The following GIPC2 variants were observed in gnomAD, a reference collection of about 807,000 sequenced individuals.
The protein encoded by GIPC2 is PDZ domain-containing protein GIPC2.
In GIPC2, 30 loss-of-function variants were observed where a neutral mutation model predicts 30.6. The observed-to-expected ratio is 0.98, with a 90% CI of 0.73 to 1.33. GIPC2 has a LOEUF of 1.33. Among genes scored for constraint, GIPC2 ranks in the 40% most tolerant of loss-of-function variants. The pLI is 0.00. For synonymous variants in GIPC2, 167 were observed against 150.0 expected (o/e 1.11, Z -0.83); for missense variants, 414 against 390.3 (o/e 1.06, Z -0.51).
At chr1:78,085,082 G>C (rs759769586) in intron 2 of GIPC2, among the ~76,000 whole-genome samples, 1 of 152,110 alleles carries the variant, frequency 6.6e-6, no homozygotes, top group Non-Finnish European at 1.5e-5. Context: ...GTTTGTCATA[G>C]ATTGGTCTTA....
intron 2 of GIPC2, among the ~76,000 whole-genome samples, chr1:78,092,532 CT>C (rs1048058771): frequency 1.1e-4 from 17 of 152,198 alleles, no homozygotes; most frequent in African/African-American, 3.9e-4. Context: ...TGATTAGTGC[CT>C]TTGGCAATAT....
chr1:78,133,888 G>T (rs1662951681), intron 5 of GIPC2, among the ~76,000 whole-genome samples: 1 of 151,214 alleles, frequency 6.6e-6, no homozygotes, highest in Admixed American at 6.6e-5. Flanking sequence ...TCCCTGATTT[G>T]GTCAGTGTGA....
intron 1 of GIPC2, among the ~76,000 whole-genome samples, chr1:78,065,522 T>C (rs1352176479): frequency 6.8e-6 from 1 of 146,784 alleles, no homozygotes; most frequent in Non-Finnish European, 1.5e-5. Flanking sequence ...AAGGACATTC[T>C]TCACAGAATT....
chr1:78,126,812 T>G (rs1465664145), intron 5 of GIPC2, among the ~76,000 whole-genome samples: 3 of 152,152 alleles, frequency 2.0e-5, no homozygotes, highest in Admixed American at 6.5e-5. Flanking sequence ...GAGGACCTCT[T>G]CCAAATCATT....
At position 78,046,253 on chromosome 1, in the gene GIPC2, C is replaced by G. The variant is rs1468176790; in HGVS notation, c.159C>G (p.Ala53=). 5.0e-6 allele frequency: 8 copies of G among 1,610,588 alleles called. No homozygotes were observed. Among genetic ancestry groups the G allele is most frequent in the Non-Finnish European group, 5.9e-6 (7 of 1,179,076 alleles). The change falls in exon 1 of 6, where the codon GCC becomes GCG. Residue 53 remains alanine, a synonymous_variant. Coordinates refer to ENST00000370759, the MANE Select transcript of GIPC2 (RefSeq NM_017655.6). ...ACGCGCAGCTGGCGCACGGTAGTGC[C>G]ACGGGCCGAGTGGAGGGCTTCTCCA... The part of the protein sequence containing the change: ...VFHAQLAHGS[A]TGRVEGFSSI...
intron 3 of GIPC2, among the ~76,000 whole-genome samples, chr1:78,119,179 G>T (rs1662631156): frequency 6.6e-6 from 1 of 151,812 alleles, no homozygotes; most frequent in South Asian, 2.1e-4. Context: ...CCTTTTCTTG[G>T]AGTTAGAACT....
At chr1:78,113,580 A>C (rs971644862) in intron 3 of GIPC2, among the ~76,000 whole-genome samples, 3 of 151,936 alleles carry the variant, frequency 2.0e-5, no homozygotes, top group Non-Finnish European at 4.4e-5. Flanking sequence ...GTAGAGATGG[A>C]GTTTCACCAT....
intron 2 of GIPC2, among the ~76,000 whole-genome samples, chr1:78,081,286 C>CTCTGTATCTGTAGGT (rs996037853): frequency 2.0e-5 from 3 of 152,124 alleles, no homozygotes; most frequent in African/African-American, 7.2e-5. Context: ...AAAGTTGGAT[C>CTCTGTATCTGTAGGT]TCTGTATCTG....
Position 78,110,298 on chromosome 1 carries a change from C to T in GIPC2, c.608-9095C>T, listed in dbSNP as rs576371243. Among the ~76,000 whole-genome samples, 387 of 152,250 alleles carry T rather than the reference C, an allele frequency of 2.5e-3. 5 individuals carry two copies. The highest frequency in any genetic ancestry group is 7.5e-4 in the Non-Finnish European group (51 of 68,028). ...AGAAAGCCACAAAGCCCAGGTAGAG[C>T]TGTTGACTCTAATTATTATTGCTTT... On this transcript the variant is annotated intron_variant, in intron 3 of 5. Transcript: ENST00000370759.
intron 3 of GIPC2, among the ~76,000 whole-genome samples, chr1:78,107,771 G>A (rs192449089): frequency 0.013 from 1,781 of 133,422 alleles, 40 homozygotes; most frequent in African/African-American, 0.048. Flanking sequence ...GTTGCAGTGA[G>A]CTGAGATGGT....
intron 3 of GIPC2, among the ~76,000 whole-genome samples, chr1:78,110,897 T>A (rs1447025845): frequency 1.3e-5 from 2 of 152,204 alleles, no homozygotes; most frequent in Non-Finnish European, 2.9e-5. Flanking sequence ...TTTGGTGAGA[T>A]CTGTTCTTTG....
chr1:78,120,779 A>G (rs1371371586), intron 4 of GIPC2, among the ~76,000 whole-genome samples: 1 of 152,136 alleles, frequency 6.6e-6, no homozygotes, highest in Non-Finnish European at 1.5e-5. Context: ...GCATGGGAAA[A>G]ACCTGCCGCC....
In GIPC2 at chr1:78,046,072, G is replaced by A. The variant is rs1352999130; in HGVS notation, c.-23G>A. On this transcript the variant is annotated 5_prime_UTR_variant, in exon 1 of 6. Coordinates refer to ENST00000370759, the MANE Select transcript of GIPC2 (RefSeq NM_017655.6). ...AGGCGGCGGACGGCAGCGCAGGTGG[G>A]CCCGCGCTCTCGGCCCTGCAAGATG... 7.1e-7 allele frequency: 1 copy of A among 1,412,604 alleles called. No homozygotes were observed. Among genetic ancestry groups the A allele is most frequent in the Admixed American group, 3.5e-5 (1 of 28,324 alleles). 87.5% of individuals were successfully genotyped at this position (1,412,604 alleles called of 1,614,324 possible).
chr1:78,069,313 C>T (rs1661574609), intron 1 of GIPC2, among the ~76,000 whole-genome samples: 1 of 152,044 alleles, frequency 6.6e-6, no homozygotes, highest in African/African-American at 2.4e-5. Context: ...GAGGGCTAAC[C>T]TCACTTGTGG....
intron 3 of GIPC2, among the ~76,000 whole-genome samples, chr1:78,106,283 G>C (rs912027562): frequency 1.3e-5 from 2 of 151,244 alleles, no homozygotes; most frequent in African/African-American, 4.9e-5. Context: ...ATTACGGCAG[G>C]GTGTGGTGGC....
chr1:78,097,213 G>C (rs1662154062), intron 3 of GIPC2, among the ~76,000 whole-genome samples: 1 of 151,766 alleles, frequency 6.6e-6, no homozygotes, highest in South Asian at 2.1e-4. Flanking sequence ...TTTTTTTCCT[G>C]TATTTTCTGG....
chr1:78,079,856 T>G (rs1359684564), intron 1 of GIPC2, among the ~76,000 whole-genome samples: 1 of 152,132 alleles, frequency 6.6e-6, no homozygotes, highest in Non-Finnish European at 1.5e-5. Context: ...TGAGGTCAAA[T>G]AAAGACTTGG....
chr1:78,088,737 A>T (rs1819257), intron 2 of GIPC2, among the ~76,000 whole-genome samples: 16,015 of 151,862 alleles, frequency 0.11, 1,065 homozygotes, highest in Middle Eastern at 0.23. Context: ...CCAGCTACTC[A>T]TGAGGCTGAG....
intron 1 of GIPC2, among the ~76,000 whole-genome samples, chr1:78,062,822 C>T (rs1338635471): frequency 2.6e-5 from 4 of 152,004 alleles, no homozygotes; most frequent in Admixed American, 6.6e-5. Flanking sequence ...TATTGTTGAA[C>T]ACCTATTACC....
Sources: allele counts gnomAD v4.1 joint callset (sites outside exome capture counted in the v4.1 genomes callset), GRCh38; gene constraint gnomAD v4.1.1; transcripts MANE v1.5; gene names NCBI Gene and HGNC (gene_info 2026-07-23, HGNC 2026-07-21).